Variants in ERV3-1 observed in about 807,000 individuals in gnomAD.
ERV3-1 encodes endogenous retrovirus group 3 member 1, envelope.
A neutral mutation model predicts 24.6 loss-of-function variants in ERV3-1; 36 were observed. That is an observed-to-expected ratio of 1.47 (90% CI 1.12 to 1.94). ERV3-1 has a LOEUF of 1.94. ERV3-1 is among the 30% of genes most tolerant of loss of function. The pLI, the probability that ERV3-1 is intolerant of heterozygous loss-of-function variation, is 0.00. For synonymous variants in ERV3-1, 211 were observed against 122.6 expected (o/e 1.72, Z -4.76); for missense variants, 578 against 330.9 (o/e 1.75, Z -5.79).
Position 64,992,511 on chromosome 7 carries a change from G to A in ERV3-1, c.516C>T (p.Ser172=). The part of the protein sequence containing the change: ...VTTCWDCTTW[S]TNQQSLGPIM... Reference sequence around the variant, plus strand: ...TTGGCCCTAGTGATTGTTGGTTAGTGGACCACGTTGTGCAGTCCCAGCAAG... The same window carrying A: ...TTGGCCCTAGTGATTGTTGGTTAGTAGACCACGTTGTGCAGTCCCAGCAAG... The change falls in exon 2 of 2, where the codon TCC becomes TCT. Residue 172 remains serine, a synonymous_variant. Transcript: ENST00000394323. The A allele has an allele frequency of 1.3e-6, 1 of 766,310 alleles. No homozygotes were observed. Among genetic ancestry groups the A allele is most frequent in the Non-Finnish European group, 2.4e-6 (1 of 417,904 alleles). 47.5% of individuals were successfully genotyped at this position (766,310 alleles called of 1,614,324 possible).
rs370825178 is a variant in ERV3-1 at position 64,991,823 on chromosome 7, A to T, written c.1204T>A (p.Trp402Arg). The T allele has an allele frequency of 1.3e-6, 1 of 766,262 alleles. No homozygotes were observed. The allele number at this position is 766,262 out of a possible 1,614,324, so 47.5% of individuals were successfully genotyped here. The change falls in exon 2 of 2, where the codon TGG becomes AGG. Residue 402 changes from tryptophan (W) to arginine (R), a missense_variant. Physicochemically the swap from Trp to Arg is moderately radical, Grantham distance 101. Transcript: ENST00000394323. ...GTATTTGGAGCTTCAAGTTGGTACC[A>T]AGAATGGTTTAAAGATGGGAAACGA... ...FSRFPSLNHS[W>R]YQLEAPNTWQ...
chr7:64,991,693 G>A lies in ERV3-1; in HGVS notation c.1334C>T (p.Ser445Phe), dbSNP rs1482817636. The A allele has an allele frequency of 1.3e-6, 1 of 743,920 alleles. No homozygotes were observed. Among genetic ancestry groups the A allele is most frequent in the Non-Finnish European group, 2.5e-6 (1 of 406,848 alleles). 46.1% of individuals were successfully genotyped at this position (743,920 alleles called of 1,614,324 possible). A position where few individuals can be genotyped will look rare whatever the true frequency, so the allele number is the denominator to read the frequency against. ...CTGTTTTAGGGGCATTAGGAAGAAG[G>A]ACGGCCTAATTGTCCCCAGTACACA... is the stretch of plus-strand genomic sequence containing the variant. ...GACVLGTIRP[S>F]FFLMPLKQGE... The change falls in exon 2 of 2, where the codon TCC becomes TTC. Residue 445 changes from serine (S) to phenylalanine (F), a missense_variant. By Grantham distance (155) the Ser-to-Phe change is radical. Coordinates refer to ENST00000394323, the MANE Select transcript of ERV3-1 (RefSeq NM_001007253.4).
In ERV3-1 at chr7:64,990,984, A is replaced by G. The variant is rs2129121829; in HGVS notation, c.*228T>C. On this transcript the variant is annotated 3_prime_UTR_variant, in exon 2 of 2. Transcript: ENST00000394323. ...CATCACTATCTTCATTTACTTCAAG[A>G]GGAAGTAGCTCTTTTCTTGGCAGGG... is the stretch of plus-strand genomic sequence containing the variant. The G allele has an allele frequency of 2.5e-6, 1 of 399,506 alleles. No individual in the cohort carries two copies. Among genetic ancestry groups the G allele is most frequent in the Non-Finnish European group, 4.4e-6 (1 of 224,944 alleles). The allele number at this position is 399,506 out of a possible 1,614,324, so 24.7% of individuals were successfully genotyped here. A position where few individuals can be genotyped will look rare whatever the true frequency, so the allele number is the denominator to read the frequency against.
chr7:65,000,364 A>C (rs1786493197), intron 1 of ERV3-1, among the ~76,000 whole-genome samples: 1 of 151,536 alleles, frequency 6.6e-6, no homozygotes, highest in Non-Finnish European at 1.5e-5. Flanking sequence ...CTGGGACTAC[A>C]GGTGCCCACC....
In ERV3-1 at chr7:64,993,088, G is replaced by A; in HGVS notation, c.-62C>T. The A allele has an allele frequency of 1.6e-6, 1 of 636,392 alleles. No homozygotes were observed. The allele number at this position is 636,392 out of a possible 1,614,324, so 39.4% of individuals were successfully genotyped here. On this transcript the variant is annotated 5_prime_UTR_variant, in exon 2 of 2. Coordinates refer to ENST00000394323, the MANE Select transcript of ERV3-1 (RefSeq NM_001007253.4). ...AGCAAAGTGACAGCTTAATAGCAAA[G>A]TAATTAATATGACAAGGAAAATTAC...
intron 1 of ERV3-1, among the ~76,000 whole-genome samples, chr7:64,996,032 A>C (rs1233439705): frequency 6.6e-6 from 1 of 152,178 alleles, no homozygotes; most frequent in Non-Finnish European, 1.5e-5. Flanking sequence ...CCAGGTAGAG[A>C]CAGAAGAAAG....
At chr7:64,995,751 C>G (rs887697108) in intron 1 of ERV3-1, among the ~76,000 whole-genome samples, 2 of 152,154 alleles carry the variant, frequency 1.3e-5, no homozygotes, top group Non-Finnish European at 2.9e-5. Context: ...TACTCTATAC[C>G]CTGCTTTCCA....
intron 1 of ERV3-1, among the ~76,000 whole-genome samples, chr7:64,998,442 C>T (rs13245077): frequency 0.38 from 57,740 of 152,034 alleles, 11,210 homozygotes; most frequent in Middle Eastern, 0.43. Flanking sequence ...ATAGTTCCTT[C>T]GGCCAGCCAT....
At chr7:64,995,186 G>A in intron 1 of ERV3-1, among the ~76,000 whole-genome samples, 1 of 152,240 alleles carries the variant, frequency 6.6e-6, no homozygotes, top group East Asian at 1.9e-4. Flanking sequence ...ATAACCGCAT[G>A]TGGTACCTGG....
Position 64,992,221 on chromosome 7 carries a change from G to A in ERV3-1, c.806C>T (p.Pro269Leu). 1.3e-6 allele frequency: 1 copy of A among 766,376 alleles called. No homozygotes were observed. The highest frequency in any genetic ancestry group is 1.3e-5 in the South Asian group (1 of 74,620). 47.5% of individuals were successfully genotyped at this position (766,376 alleles called of 1,614,324 possible). ...EHVNQKLPEP[P>L]PLASNLFAQL... ...GGCGAATAAATTACTGGCCAAGGGA[G>A]GGGGCTCAGGCAATTTCTGGTTAAC... is the stretch of plus-strand genomic sequence containing the variant. The change falls in exon 2 of 2, where the codon CCT becomes CTT. Residue 269 changes from proline (P) to leucine (L), a missense_variant. Transcript: ENST00000394323.
intron 1 of ERV3-1, among the ~76,000 whole-genome samples, chr7:64,994,007 T>C (rs1485860654): frequency 6.6e-6 from 1 of 152,226 alleles, no homozygotes; most frequent in Non-Finnish European, 1.5e-5. Flanking sequence ...TTTTAGTCAC[T>C]TCTCATGAGT....
chr7:64,994,434 G>A (rs1432623649), intron 1 of ERV3-1, among the ~76,000 whole-genome samples: 3 of 152,228 alleles, frequency 2.0e-5, no homozygotes, highest in Non-Finnish European at 4.4e-5. Flanking sequence ...CTTCTCATTC[G>A]GAGAGTAACT....
chr7:65,004,271 G>A (rs995198427), intron 1 of ERV3-1: 2 of 152,268 alleles, frequency 1.3e-5, no homozygotes, highest in Non-Finnish European at 2.9e-5. Context: ...GCTGAGGTAG[G>A]AGAATCACTT....
At position 64,992,734 on chromosome 7, in the gene ERV3-1, GAC is replaced by G. The variant is rs765446588; in HGVS notation, c.291_292del (p.Ser98LysfsTer24). The G allele has an allele frequency of 5.2e-6, 4 of 766,230 alleles. No homozygotes were observed. Among genetic ancestry groups the G allele is most frequent in the South Asian group, 1.3e-5 (1 of 74,610 alleles). The allele number at this position is 766,230 out of a possible 1,614,324, so 47.5% of individuals were successfully genotyped here. A position where few individuals can be genotyped will look rare whatever the true frequency, so the allele number is the denominator to read the frequency against. Reference sequence around the variant, plus strand: ...TTGGTTTAGAAGATCCCCTTCCTTTGACCCGACATGAATTTCAAACCAGGTCC... The same window carrying G: ...TTGGTTTAGAAGATCCCCTTCCTTTGCCGACATGAATTTCAAACCAGGTCC... On this transcript the variant is annotated frameshift_variant, in exon 2 of 2. Coordinates refer to ENST00000394323, the MANE Select transcript of ERV3-1 (RefSeq NM_001007253.4). LOFTEE classifies it high-confidence loss of function.
chr7:64,992,897 T>C lies in ERV3-1; in HGVS notation c.130A>G (p.Thr44Ala). The C allele has an allele frequency of 1.3e-6, 1 of 766,220 alleles. No individual in the cohort carries two copies. The highest frequency in any genetic ancestry group is 2.4e-6 in the Non-Finnish European group (1 of 417,872). The allele number at this position is 766,220 out of a possible 1,614,324, so 47.5% of individuals were successfully genotyped here. A position where few individuals can be genotyped will look rare whatever the true frequency, so the allele number is the denominator to read the frequency against. The change falls in exon 2 of 2, where the codon ACC becomes GCC. Residue 44 changes from threonine to alanine, a missense_variant. Transcript: ENST00000394323. ...TTWSGNIMTK[T>A]LLYHTYYECA... The stretch of plus-strand genomic sequence containing the variant: ...TCATAATAAGTGTGATACAACAGGG[T>C]TTTAGTCATGATGTTCCCCGACCAC...
chr7:64,993,058 G>C lies in ERV3-1; in HGVS notation c.-32C>G. ...AAAAGGCTTTTTCCTGGGGGGAGAA[G>C]GCTAAGCAAAGTGACAGCTTAATAG... is the stretch of plus-strand genomic sequence containing the variant. On this transcript the variant is annotated 5_prime_UTR_variant, in exon 2 of 2. Transcript: ENST00000394323. 1 of 696,998 alleles carries C rather than the reference G, an allele frequency of 1.4e-6. No individual in the cohort carries two copies. The highest frequency in any genetic ancestry group is 2.6e-6 in the Non-Finnish European group (1 of 382,780). 43.2% of individuals were successfully genotyped at this position (696,998 alleles called of 1,614,324 possible). A position where few individuals can be genotyped will look rare whatever the true frequency, so the allele number is the denominator to read the frequency against.
intron 1 of ERV3-1, among the ~76,000 whole-genome samples, chr7:65,001,769 C>T (rs760172739): frequency 3.3e-5 from 5 of 152,186 alleles, no homozygotes; most frequent in Non-Finnish European, 7.3e-5. Context: ...GTAATGTTTG[C>T]TGAACACCAA....
At chr7:65,001,197 C>T (rs1172053992) in intron 1 of ERV3-1, among the ~76,000 whole-genome samples, 1 of 152,108 alleles carries the variant, frequency 6.6e-6, no homozygotes, top group Non-Finnish European at 1.5e-5. Flanking sequence ...ATAAAAAATT[C>T]GTGGGTGGGG....
Position 64,993,159 on chromosome 7 carries a change from A to G in ERV3-1, c.-133T>C, listed in dbSNP as rs1225373080. ...ACATTTACTTCCCTGATGATGACTC[A>G]AGCTTCGGCCGTGCATAGACTAGTC... On this transcript the variant is annotated 5_prime_UTR_variant, in exon 2 of 2. Transcript: ENST00000394323. 2 of 604,642 alleles carry G rather than the reference A, an allele frequency of 3.3e-6. No homozygotes were observed. Among genetic ancestry groups the G allele is most frequent in the Admixed American group, 5.7e-5 (2 of 34,980 alleles). The allele number at this position is 604,642 out of a possible 1,614,324, so 37.5% of individuals were successfully genotyped here. A position where few individuals can be genotyped will look rare whatever the true frequency, so the allele number is the denominator to read the frequency against.
Sources: gnomAD v4.1 joint callset for allele counts (sites outside exome capture counted in the v4.1 genomes callset) on GRCh38, gnomAD v4.1.1 for gene constraint, MANE v1.5 for transcripts, NCBI Gene and HGNC (gene_info 2026-07-23, HGNC 2026-07-21) for gene names.